Variants in SPIRE1 observed in about 807,000 individuals in gnomAD.
SPIRE1 encodes the protein spire type actin nucleation factor 1, also known as protein spire homolog 1.
In SPIRE1, 40 loss-of-function variants were observed where a neutral mutation model predicts 94.1. The ratio of observed to expected loss-of-function variants is 0.43; its 90% CI spans 0.33 to 0.55. The LOEUF (loss-of-function observed/expected upper bound fraction) is 0.55. Ranked by LOEUF, SPIRE1 falls within the 20% of genes least tolerant of loss-of-function variation. The pLI, the probability that SPIRE1 is intolerant of heterozygous loss-of-function variation, is 0.06. For missense variants in SPIRE1, 838 were observed against 975.2 expected, an observed-to-expected ratio of 0.86 and a Z score of 1.87; for synonymous variants, 376 against 371.7, an observed-to-expected ratio of 1.01 and a Z score of -0.13.
chr18:12,506,712 A>G (rs1186716436), intron 5 of SPIRE1, 71 bp from the exon 6 acceptor site: 15 of 1,386,738 alleles, frequency 1.1e-5, no homozygotes, highest in African/African-American at 1.4e-5. Context: ...CTAGTCATAC[A>G]GAATAAATGA....
At position 12,546,820 on chromosome 18, in the gene SPIRE1, G is replaced by C; in HGVS notation, c.457C>G (p.Leu153Val). The C allele has an allele frequency of 6.2e-7, 1 of 1,613,988 alleles. No individual in the cohort carries two copies. The highest frequency in any genetic ancestry group is 8.5e-7 in the Non-Finnish European group (1 of 1,179,982). Residue 153 changes from leucine (L) to valine (V), a missense_variant, in exon 3 of 17, where the codon CTA (leucine) becomes GTA (valine). Leu to Val is a conservative substitution (Grantham distance 32, BLOSUM62 1). Around this residue, in one of 2 missense-constraint regions of SPIRE1, gnomAD observed 645 missense variants for 804.7 expected, o/e 0.80. Coordinates refer to ENST00000409402, the MANE Select transcript of SPIRE1 (RefSeq NM_001128626.2). ...ENEERELSPP[L>V]EQLIDHMANT... ...GCCATGTGATCGATAAGCTGCTCTA[G>C]GGGAGGGCTTAATTCCCTTTCTTCA...
intron 12 of SPIRE1, among the ~76,000 whole-genome samples, chr18:12,461,510 GTACA>G (rs1324132292): frequency 3.2e-5 from 3 of 94,236 alleles, no homozygotes; most frequent in Non-Finnish European, 7.0e-5. Context: ...ACATATGTAC[GTACA>G]TACATATGTG....
chr18:12,552,284 A>G (rs1361141420), intron 2 of SPIRE1, among the ~76,000 whole-genome samples: 3 of 152,216 alleles, frequency 2.0e-5, no homozygotes, highest in Non-Finnish European at 4.4e-5. Context: ...CTTGTGGGGT[A>G]CATGACCTAC....
intron 6 of SPIRE1, among the ~76,000 whole-genome samples, chr18:12,497,273 C>T (rs2033491687): frequency 6.6e-6 from 1 of 152,190 alleles, no homozygotes; most frequent in Admixed American, 6.5e-5. Flanking sequence ...AATGTCCTCT[C>T]TTTTTAATGC....
chr18:12,572,993 C>T (rs2035996223), intron 2 of SPIRE1, among the ~76,000 whole-genome samples: 1 of 152,056 alleles, frequency 6.6e-6, no homozygotes, highest in Admixed American at 6.6e-5. Context: ...AAACACAACC[C>T]ATGAAAGAAG....
At chr18:12,501,558 A>G (rs2033666754) in intron 6 of SPIRE1, among the ~76,000 whole-genome samples, 1 of 152,090 alleles carries the variant, frequency 6.6e-6, no homozygotes, top group African/African-American at 2.4e-5. Flanking sequence ...TAATTTTTGT[A>G]GTTTTAATAG....
At chr18:12,568,379 T>C (rs2035870629) in intron 2 of SPIRE1, among the ~76,000 whole-genome samples, 1 of 152,208 alleles carries the variant, frequency 6.6e-6, no homozygotes, top group South Asian at 2.1e-4. Context: ...CTCTACACTT[T>C]CTCATCTCTA....
intron 1 of SPIRE1, among the ~76,000 whole-genome samples, chr18:12,656,253 T>A (rs990807333): frequency 4.6e-5 from 7 of 152,170 alleles, no homozygotes; most frequent in African/African-American, 9.7e-5. Context: ...CACTATAAAT[T>A]ATAATTGCAA....
intron 2 of SPIRE1, among the ~76,000 whole-genome samples, chr18:12,616,890 T>G (rs2037323215): frequency 6.6e-6 from 1 of 152,124 alleles, no homozygotes; most frequent in African/African-American, 2.4e-5. Context: ...GATGGAGTCT[T>G]GCTCTGTCGC....
At chr18:12,629,902 T>C (rs1598557736) in intron 2 of SPIRE1, among the ~76,000 whole-genome samples, 1 of 152,158 alleles carries the variant, frequency 6.6e-6, no homozygotes, top group Non-Finnish European at 1.5e-5. Flanking sequence ...CTTAGTATAA[T>C]CAAGTATATT....
chr18:12,658,466 C>T (rs1318491769), upstream of SPIRE1: 1 of 438,244 alleles, frequency 2.3e-6, no homozygotes, highest in Non-Finnish European at 4.8e-6. Context: ...AAGAGGGTGT[C>T]GCATTTATCA....
At chr18:12,504,501 CTG>C (rs939781888) in intron 6 of SPIRE1, among the ~76,000 whole-genome samples, 21 of 152,292 alleles carry the variant, frequency 1.4e-4, no homozygotes, top group African/African-American at 4.3e-4. Context: ...GAGTGAGACT[CTG>C]TCTCAAAAAT....
chr18:12,634,110 C>T (rs9959020), intron 2 of SPIRE1, among the ~76,000 whole-genome samples: 58,702 of 151,136 alleles, frequency 0.39, 12,025 homozygotes, highest in East Asian at 0.6. Flanking sequence ...TAGCTGGGCG[C>T]GGTGGCGGGC....
Position 12,570,536 on chromosome 18 carries a change from C to T in SPIRE1, c.373-23632G>A, listed in dbSNP as rs576109302. On this transcript the variant is annotated intron_variant, in intron 2 of 16. Coordinates refer to ENST00000409402, the MANE Select transcript of SPIRE1 (RefSeq NM_001128626.2). ...CTTGTCAATCAAATAAATGGGATTT[C>T]CTTATATCTGTATAGCACTTCATTA... 2.6e-4 allele frequency among the ~76,000 whole-genome samples: 40 copies of T among 152,300 alleles called. 1 individual carries two copies. The highest frequency in any genetic ancestry group is 1.7e-3 in the South Asian group (8 of 4,824).
chr18:12,497,729 A>G (rs188740868), intron 6 of SPIRE1, among the ~76,000 whole-genome samples: 3 of 152,328 alleles, frequency 2.0e-5, no homozygotes, highest in Admixed American at 2.0e-4. Context: ...TGGATTTCAT[A>G]TTATGTAGAT....
intron 2 of SPIRE1, among the ~76,000 whole-genome samples, chr18:12,619,531 A>G (rs1408912362): frequency 6.6e-6 from 1 of 151,788 alleles, no homozygotes; most frequent in African/African-American, 2.4e-5. Flanking sequence ...AAATAAACAA[A>G]TAAAAATAAA....
chr18:12,526,655 G>A (rs77954794), intron 4 of SPIRE1, among the ~76,000 whole-genome samples: 4 of 152,070 alleles, frequency 2.6e-5, no homozygotes, highest in Non-Finnish European at 4.4e-5. Flanking sequence ...TGGAATAAAC[G>A]TTAGCAGTAT....
chr18:12,586,446 T>C (rs577084552), intron 2 of SPIRE1, among the ~76,000 whole-genome samples: 3 of 152,356 alleles, frequency 2.0e-5, no homozygotes, highest in Admixed American at 2.0e-4. Context: ...ATTACCTTGG[T>C]ATTCCATAGG....
chr18:12,478,630 C>T (rs553020599), intron 10 of SPIRE1, among the ~76,000 whole-genome samples: 4 of 150,550 alleles, frequency 2.7e-5, no homozygotes, highest in East Asian at 4.0e-4. Context: ...CGCGCGCATG[C>T]GTATGTAGCT....
Sources: gnomAD v4.1 joint callset for allele counts (sites outside exome capture counted in the v4.1 genomes callset) on GRCh38, gnomAD v4.1.1 for gene constraint, gnomAD v4.1.1 regional missense constraint, MANE v1.5 for transcripts, NCBI Gene and HGNC (gene_info 2026-07-23, HGNC 2026-07-21) for gene names.